Variants in NFIX observed in about 807,000 individuals in gnomAD.
NFIX encodes nuclear factor 1 X-type.
NFIX carries 2 observed loss-of-function variants against 53.3 expected under a neutral mutation model. That is an observed-to-expected ratio of 0.04 (90% CI 0.02 to 0.12). NFIX has a LOEUF of 0.12. Among genes scored for constraint, NFIX ranks in the 10% least tolerant of loss-of-function variants. The pLI, the probability that NFIX is intolerant of heterozygous loss-of-function variation, is 1.00. For missense variants in NFIX, 310 were observed against 674.5 expected, an observed-to-expected ratio of 0.46 and a Z score of 5.99; for synonymous variants, 244 against 289.0, an observed-to-expected ratio of 0.84 and a Z score of 1.58.
chr19:13,030,776 G>C (rs1054620340), intron 2 of NFIX, among the ~76,000 whole-genome samples: 3 of 152,186 alleles, frequency 2.0e-5, no homozygotes, highest in African/African-American at 7.2e-5. Context: ...AGCCAGCCAT[G>C]GTGGCTACAT....
chr19:13,062,645 C>A (rs1014878002), intron 2 of NFIX, among the ~76,000 whole-genome samples: 1 of 152,202 alleles, frequency 6.6e-6, no homozygotes, highest in Non-Finnish European at 1.5e-5. Context: ...CCAGAGGTTC[C>A]CTGTGTAGGT....
rs2018545832 is a variant in NFIX at position 13,097,729 on chromosome 19, CG to C, written c.*3081del. 6.6e-6 allele frequency: 1 copy of C among 151,994 alleles called. No individual in the cohort carries two copies. Among genetic ancestry groups the C allele is most frequent in the Non-Finnish European group, 1.5e-5 (1 of 67,852 alleles). 9.4% of individuals were successfully genotyped at this position (151,994 alleles called of 1,614,324 possible). ...CCCCTCCCTCCCTCCCTCTCCGCCC[CG>C]AGCGCCCTTCTTTGAGCCAGACGCC... On this transcript the variant is annotated 3_prime_UTR_variant, in exon 11 of 11. Transcript: ENST00000592199.
In NFIX at chr19:13,088,276, C is replaced by G; in HGVS notation, c.1402+140C>G. The G allele has an allele frequency of 9.2e-7, 1 of 1,083,016 alleles. No homozygotes were observed. Among genetic ancestry groups the G allele is most frequent in the Non-Finnish European group, 1.3e-6 (1 of 775,562 alleles). The allele number at this position is 1,083,016 out of a possible 1,614,324, so 67.1% of individuals were successfully genotyped here. ...AGAGCACCATGGACAAGAGCAGAGC[C>G]GAGCCCCCCAACCACAGCCTCCCTC... On this transcript the variant is annotated intron_variant, in intron 9 of 10. Coordinates refer to ENST00000592199, the MANE Select transcript of NFIX (RefSeq NM_001365902.3). This position sits in a 1 kb window ranked among gnomAD's most constrained non-coding sequence, Gnocchi z 5.9.
At chr19:13,075,771 G>A in intron 6 of NFIX, 100 bp downstream of exon 6, 3 of 1,365,354 alleles carry the variant, frequency 2.2e-6, no homozygotes, top group South Asian at 2.8e-5. Flanking sequence ...TTGTCCCCCT[G>A]TCGGGGGGCA....
rs1184141665 is a variant in NFIX, at chr19:13,009,913, A to C, written c.27+14049A>C. Among the ~76,000 whole-genome samples, 1 of 152,160 alleles carries C rather than the reference A, an allele frequency of 6.6e-6. No homozygotes were observed. The highest frequency in any genetic ancestry group is 1.9e-4 in the East Asian group (1 of 5,178). On this transcript the variant is annotated intron_variant, in intron 1 of 10. Transcript: ENST00000592199. The surrounding 1 kb of genome is among the most constrained non-coding windows in gnomAD (Gnocchi z 4.7). ...CGGGGCCGGGGGTCTTCAAAGGCAG[A>C]GAAGTCTCAGGACTTCAAACCAACA...
At position 13,022,743 on chromosome 19, in the gene NFIX, CTTTA is replaced by C. The variant is rs2013011739; in HGVS notation, c.28-2266_28-2263del. 6.6e-6 allele frequency among the ~76,000 whole-genome samples: 1 copy of C among 152,096 alleles called. No individual in the cohort carries two copies. Among genetic ancestry groups the C allele is most frequent in the African/African-American group, 2.4e-5 (1 of 41,430 alleles). ...CCCGCCAGCCCGCCGGGAGTCAGGC[CTTTA>C]TTTATTTATTTTTCAGGCTTAAAAA... On this transcript the variant is annotated intron_variant, in intron 1 of 10. Transcript: ENST00000592199. This position sits in a 1 kb window ranked among gnomAD's most constrained non-coding sequence, Gnocchi z 4.5.
intron 2 of NFIX, among the ~76,000 whole-genome samples, chr19:13,054,407 C>T (rs1319054106): frequency 6.6e-6 from 1 of 152,174 alleles, no homozygotes; most frequent in African/African-American, 2.4e-5. Flanking sequence ...GTGTGTAACT[C>T]GAGCTCCCCA....
At position 13,051,862 on chromosome 19, in the gene NFIX, C is replaced by T. The variant is rs576419157; in HGVS notation, c.560-21185C>T. Among the ~76,000 whole-genome samples, 14 of 152,108 alleles carry T rather than the reference C, an allele frequency of 9.2e-5. No homozygotes were observed. In the South Asian group the frequency reaches 2.5e-3, roughly 27 times the overall value. On this transcript the variant is annotated intron_variant, in intron 2 of 10. Transcript: ENST00000592199. This position sits in a 1 kb window ranked among gnomAD's most constrained non-coding sequence, Gnocchi z 5.1. ...TAGCAGGTGCCTGGAGGGGGCGGGG[C>T]GGCTCCCGGGAGCAGCCGGGCGGCT...
intron 2 of NFIX, among the ~76,000 whole-genome samples, chr19:13,056,263 GTC>G (rs2015687589): frequency 6.6e-6 from 1 of 152,216 alleles, no homozygotes; most frequent in South Asian, 2.1e-4. Context: ...ACCTTGAAGA[GTC>G]TCTTCTGCCT....
chr19:13,079,153 C>T (rs1165850593), intron 7 of NFIX, among the ~76,000 whole-genome samples: 1 of 152,234 alleles, frequency 6.6e-6, no homozygotes, highest in African/African-American at 2.4e-5. Flanking sequence ...GGATTTTTGC[C>T]AGCATGAGCC....
Position 13,078,533 on chromosome 19 carries a change from C to T in NFIX, c.956-80C>T, listed in dbSNP as rs771617488. 2.6e-5 allele frequency: 39 copies of T among 1,490,948 alleles called. No individual in the cohort carries two copies. Among genetic ancestry groups the T allele is most frequent in the Non-Finnish European group, 3.0e-5 (33 of 1,101,910 alleles). The allele number at this position is 1,490,948 out of a possible 1,614,324, so 92.4% of individuals were successfully genotyped here. On this transcript the variant is annotated intron_variant, in intron 6 of 10. Transcript: ENST00000592199. The surrounding 1 kb of genome is among the most constrained non-coding windows in gnomAD (Gnocchi z 4.7). Reference sequence around the variant, plus strand: ...GGGGAGGGGCTGAGGAGAGAAGGAGCGAGCTGCTGGCTTCCCGCCTTCCCC... The same window carrying T: ...GGGGAGGGGCTGAGGAGAGAAGGAGTGAGCTGCTGGCTTCCCGCCTTCCCC...
intron 8 of NFIX, among the ~76,000 whole-genome samples, chr19:13,084,400 C>T (rs930879517): frequency 1.3e-5 from 2 of 152,034 alleles, no homozygotes; most frequent in Admixed American, 6.6e-5. Context: ...GCCAAGATTG[C>T]GCCACTGCAC....
intron 2 of NFIX, among the ~76,000 whole-genome samples, chr19:13,069,254 G>C (rs1218687905): frequency 6.6e-6 from 1 of 152,204 alleles, no homozygotes; most frequent in Admixed American, 6.5e-5. Flanking sequence ...TGCACAGTTA[G>C]TGTCCCCACT....
chr19:13,059,902 G>A (rs979539855), intron 2 of NFIX, among the ~76,000 whole-genome samples: 17 of 148,246 alleles, frequency 1.1e-4, no homozygotes, highest in African/African-American at 4.2e-4. Context: ...TCTTGCCTCA[G>A]CCTCCCAAGT....
intron 2 of NFIX, among the ~76,000 whole-genome samples, chr19:13,029,957 C>G (rs2013673456): frequency 6.6e-6 from 1 of 152,210 alleles, no homozygotes; most frequent in African/African-American, 2.4e-5. Context: ...CGAGGTTCCC[C>G]AAGCCTTTGC....
At position 13,081,772 on chromosome 19, in the gene NFIX, T is replaced by TACC. The variant is rs755256552; in HGVS notation, c.1183_1185dup (p.His395dup). ...GTATTTCACGCACCCGACCATCCGC[T>TACC]ACCACCACCACCACGGGCAGGACTC... On this transcript the variant is annotated inframe_insertion, in exon 8 of 11. Transcript: ENST00000592199. The surrounding 1 kb of genome is among the most constrained non-coding windows in gnomAD (Gnocchi z 4.7). 9.3e-6 allele frequency: 15 copies of TACC among 1,613,916 alleles called. No homozygotes were observed. Among genetic ancestry groups the TACC allele is most frequent in the South Asian group, 3.3e-5 (3 of 91,084 alleles).
chr19:13,080,479 C>T (rs1054148453), intron 7 of NFIX, among the ~76,000 whole-genome samples: 2 of 152,172 alleles, frequency 1.3e-5, no homozygotes, highest in Admixed American at 6.5e-5. Context: ...CCCACCTTGG[C>T]CTCCCAAAGC....
chr19:13,010,076 C>G (rs1409880380), intron 1 of NFIX, among the ~76,000 whole-genome samples: 4 of 152,218 alleles, frequency 2.6e-5, no homozygotes, highest in Admixed American at 2.0e-4. Context: ...CTCTGCAACC[C>G]GCTTTTCCCT....
chr19:13,054,060 C>T (rs2015494720), intron 2 of NFIX, among the ~76,000 whole-genome samples: 1 of 152,178 alleles, frequency 6.6e-6, no homozygotes, highest in Non-Finnish European at 1.5e-5. Context: ...CCTCCCCCAC[C>T]CAGCCTGCTT....
Sources: allele counts gnomAD v4.1 joint callset (sites outside exome capture counted in the v4.1 genomes callset), GRCh38; gene constraint gnomAD v4.1.1; non-coding constraint Gnocchi (gnomAD v3.1); transcripts MANE v1.5; gene names NCBI Gene and HGNC (gene_info 2026-07-23, HGNC 2026-07-21).